The following IFI44L variants were observed in gnomAD, a reference collection of about 807,000 sequenced individuals.
IFI44L encodes the protein interferon-induced protein 44-like.
IFI44L carries 40 observed loss-of-function variants against 39.3 expected under a neutral mutation model. That is an observed-to-expected ratio of 1.02 (90% CI 0.79 to 1.33). The LOEUF (loss-of-function observed/expected upper bound fraction) is 1.33, where lower values mean the gene tolerates loss of function less well. Ranked by LOEUF, IFI44L falls within the 40% of genes most tolerant of loss-of-function variation. The pLI is 0.00. For missense variants in IFI44L, 623 were observed against 549.0 expected, an observed-to-expected ratio of 1.13 and a Z score of -1.35; for synonymous variants, 198 against 182.3, an observed-to-expected ratio of 1.09 and a Z score of -0.69.
chr1:78,641,873 T>A lies in IFI44L; in HGVS notation c.*64T>A. On this transcript the variant is annotated 3_prime_UTR_variant, in exon 9 of 9. Transcript: ENST00000370751. ...ACTGGTGTGCCGCAATGAGAGTCAA[T>A]CTCTATTGACAGCCTGCTTCAGATT... 6.5e-7 allele frequency: 1 copy of A among 1,530,098 alleles called. No individual in the cohort carries two copies. Among genetic ancestry groups the A allele is most frequent in the Non-Finnish European group, 9.1e-7 (1 of 1,103,742 alleles). 94.8% of individuals were successfully genotyped at this position (1,530,098 alleles called of 1,614,324 possible).
intron 2 of IFI44L, chr1:78,628,741 G>A (rs1207220806): frequency 5.4e-6 from 3 of 551,338 alleles, no homozygotes; most frequent in Non-Finnish European, 6.5e-6. Flanking sequence ...ACTTCTAGGT[G>A]TAATTATGTG....
In IFI44L at chr1:78,620,542, A is replaced by G. The variant is rs1652236984; in HGVS notation, c.-40A>G. 2 of 152,188 alleles carry G rather than the reference A, an allele frequency of 1.3e-5. No individual in the cohort carries two copies. The highest frequency in any genetic ancestry group is 1.3e-4 in the Admixed American group (2 of 15,268). The allele number at this position is 152,188 out of a possible 1,614,324, so 9.4% of individuals were successfully genotyped here. A position where few individuals can be genotyped will look rare whatever the true frequency, so the allele number is the denominator to read the frequency against. On this transcript the variant is annotated 5_prime_UTR_variant, in exon 1 of 9. Transcript: ENST00000370751. Reference sequence around the variant, plus strand: ...AATCAGACAGAACAGTTAATCCTCAATTTAAGCCTGATCTAACCCCTAGAA... The same window carrying G: ...AATCAGACAGAACAGTTAATCCTCAGTTTAAGCCTGATCTAACCCCTAGAA...
chr1:78,637,942 G>GA lies in IFI44L; in HGVS notation c.1048+739_1048+740insA, dbSNP rs528161934. Among the ~76,000 whole-genome samples the GA allele has an allele frequency of 5.3e-4, 81 of 152,014 alleles. No individual in the cohort carries two copies. In the East Asian group the frequency reaches 0.015, roughly 28 times the overall value. ...TGGATATAAGTTTTTATTCCTCTGG[G>GA]GTACATCTCCAGAAATGTAATGCTG... On this transcript the variant is annotated intron_variant, in intron 6 of 8. Coordinates refer to ENST00000370751, the MANE Select transcript of IFI44L (RefSeq NM_006820.4).
chr1:78,641,074 C>A lies in IFI44L; in HGVS notation c.1102C>A (p.Gln368Lys). Residue 368 changes from glutamine to lysine, a missense_variant, in exon 7 of 9, where the codon CAA becomes AAA. Transcript: ENST00000370751. ...AGTGGATGATTGCAGTGAGGTTCTT[C>A]AAGACAACTTTTTAAACATGAGTAG... ...TKVDDCSEVLQDNFLNMSRSM... is the reference protein window; with the variant it reads ...TKVDDCSEVLKDNFLNMSRSM... The A allele has an allele frequency of 6.2e-7, 1 of 1,612,796 alleles. No homozygotes were observed. The highest frequency in any genetic ancestry group is 1.3e-5 in the African/African-American group (1 of 74,820).
In IFI44L at chr1:78,628,091, A is replaced by G. The variant is rs143077503; in HGVS notation, c.176A>G (p.Asn59Ser). 2.9e-3 allele frequency: 4,636 copies of G among 1,613,112 alleles called. 13 individuals carry two copies. Among genetic ancestry groups the G allele is most frequent in the Non-Finnish European group, 3.6e-3 (4,207 of 1,179,518 alleles). Residue 59 changes from asparagine to serine, a missense_variant, in exon 2 of 9, where the codon AAT becomes AGT. Transcript: ENST00000370751. ...CTITMAYIDY[N>S]MIVAFMLGNY... is the part of the protein sequence containing the mutation. Reference sequence around the variant, plus strand: ...ATAACAATGGCTTACATTGATTACAATATGATTGTAGCCTTTATGCTTGGA... The same window carrying G: ...ATAACAATGGCTTACATTGATTACAGTATGATTGTAGCCTTTATGCTTGGA...
chr1:78,639,691 G>C lies in IFI44L; in HGVS notation c.1049-1330G>C, dbSNP rs1210825084. ...AGATTTTAGCTACATTTAGTGTAAA[G>C]AAGAGGGAAAAGTGTGTCTACTCCA... is the stretch of plus-strand genomic sequence containing the variant. On this transcript the variant is annotated intron_variant, in intron 6 of 8. Transcript: ENST00000370751. 5.3e-5 allele frequency among the ~76,000 whole-genome samples: 8 copies of C among 152,166 alleles called. No individual in the cohort carries two copies. In the East Asian group the frequency reaches 1.5e-3, roughly 29 times the overall value.
rs750830360 is a variant in IFI44L at position 78,627,937 on chromosome 1, A to G, written c.22A>G (p.Thr8Ala). The change falls in exon 2 of 9, where the codon ACA becomes GCA. Residue 8 changes from threonine (T) to alanine (A), a missense_variant. Coordinates refer to ENST00000370751, the MANE Select transcript of IFI44L (RefSeq NM_006820.4). MEVTTRL[T>A]WNDENHLRKL... ...AACAATGGAAGTGACAACAAGATTG[A>G]CATGGAATGATGAAAATCATCTGCG... The G allele has an allele frequency of 1.2e-6, 2 of 1,602,284 alleles. No homozygotes were observed. The highest frequency in any genetic ancestry group is 1.7e-5 in the Admixed American group (1 of 58,288).
At chr1:78,621,937 A>G (rs188446682) in intron 1 of IFI44L, among the ~76,000 whole-genome samples, 2 of 152,226 alleles carry the variant, frequency 1.3e-5, no homozygotes, top group East Asian at 1.9e-4. Flanking sequence ...GCTGGGAACA[A>G]CCCAAGTCTT....
intron 2 of IFI44L, 114 bp from the exon 3 acceptor site, chr1:78,628,837 C>G (rs907318738): frequency 1.5e-6 from 1 of 672,568 alleles, no homozygotes; most frequent in Non-Finnish European, 2.6e-6. Flanking sequence ...CCTAACTGAG[C>G]AGCTCAGCCC....
At chr1:78,629,315 A>G (rs1422273528) in intron 3 of IFI44L, among the ~76,000 whole-genome samples, 3 of 152,176 alleles carry the variant, frequency 2.0e-5, no homozygotes, top group African/African-American at 7.2e-5. Context: ...GTAAATGTCA[A>G]AAACAAACTT....
At chr1:78,630,850 C>T (rs1033045802) in intron 4 of IFI44L, among the ~76,000 whole-genome samples, 30 of 151,898 alleles carry the variant, frequency 2.0e-4, no homozygotes, top group African/African-American at 7.2e-4. Context: ...TCTCAGAAGC[C>T]GTGGCAAGGT....
chr1:78,623,389 G>GT (rs1222507453), intron 1 of IFI44L, among the ~76,000 whole-genome samples: 231 of 19,906 alleles, frequency 0.012, 8 homozygotes, highest in Middle Eastern at 0.028. Context: ...TGGTTTAAGT[G>GT]TTTTTTGTTT....
intron 4 of IFI44L, among the ~76,000 whole-genome samples, chr1:78,634,944 T>A (rs1414112931): frequency 6.6e-6 from 1 of 150,820 alleles, no homozygotes; most frequent in Admixed American, 6.6e-5. Context: ...ATACTGATAG[T>A]AGATACACAA....
rs762710969 is a variant in IFI44L, at chr1:78,629,873, C to A, written c.681C>A (p.Gly227=). 6.2e-7 allele frequency: 1 copy of A among 1,613,708 alleles called. No homozygotes were observed. The highest frequency in any genetic ancestry group is 8.5e-7 in the Non-Finnish European group (1 of 1,179,784). The part of the protein sequence containing the change: ...VKSIFHGHVT[G]QAVVGSDITS... ...CTATTTTTCATGGCCATGTGACTGG[C>A]CAAGCCGTAGTGGGGTCTGATATCA... The change falls in exon 4 of 9, where the codon GGC becomes GGA. Residue 227 remains glycine (G), a synonymous_variant. Transcript: ENST00000370751.
chr1:78,637,899 C>T (rs188181668), intron 6 of IFI44L, among the ~76,000 whole-genome samples: 3 of 152,170 alleles, frequency 2.0e-5, no homozygotes, highest in Admixed American at 6.6e-5. Flanking sequence ...GCAAACAAAA[C>T]TCCTATCAAG....
rs780652448 is a variant in IFI44L at position 78,637,056 on chromosome 1, C to T, written c.901C>T (p.Pro301Ser). Residue 301 changes from proline (P) to serine (S), a missense_variant, in exon 6 of 9, where the codon CCT becomes TCT. Physicochemically the swap from Pro to Ser is moderately conservative, Grantham distance 74. Transcript: ENST00000370751. The part of the protein sequence containing the change: ...YQFNSRKPIT[P>S]EHSTFITSPS... ...GTTTAATTCCCGTAAACCAATTACACCTGAGCATTCTACTTTTATCACCTC... is the reference window on the plus strand; with the variant it reads ...GTTTAATTCCCGTAAACCAATTACATCTGAGCATTCTACTTTTATCACCTC... 1 of 1,611,672 alleles carries T rather than the reference C, an allele frequency of 6.2e-7. No homozygotes were observed. Among genetic ancestry groups the T allele is most frequent in the South Asian group, 1.1e-5 (1 of 90,966 alleles).
chr1:78,623,652 G>A (rs1456887543), intron 1 of IFI44L, among the ~76,000 whole-genome samples: 4 of 152,140 alleles, frequency 2.6e-5, no homozygotes. Flanking sequence ...AGCTGGTGGT[G>A]TAATTCAGTC....
chr1:78,624,312 A>G (rs747460475), intron 1 of IFI44L, among the ~76,000 whole-genome samples: 5 of 152,132 alleles, frequency 3.3e-5, no homozygotes, highest in Non-Finnish European at 7.4e-5. Flanking sequence ...TATTTTTAAA[A>G]TTCCCTTTTG....
At chr1:78,638,850 A>G (rs537885583) in intron 6 of IFI44L, among the ~76,000 whole-genome samples, 4 of 152,100 alleles carry the variant, frequency 2.6e-5, no homozygotes, top group Non-Finnish European at 5.9e-5. Flanking sequence ...ATTCAAGTTG[A>G]GAATTTCCTG....
Sources: allele counts gnomAD v4.1 joint callset (sites outside exome capture counted in the v4.1 genomes callset), GRCh38; gene constraint gnomAD v4.1.1; transcripts MANE v1.5; gene names NCBI Gene and HGNC (gene_info 2026-07-23, HGNC 2026-07-21).